ALMS1: variants seen among roughly 807,000 people sequenced by gnomAD.
The protein encoded by ALMS1 is centrosome-associated protein ALMS1.
A neutral mutation model predicts 352.2 loss-of-function variants in ALMS1; 271 were observed. The ratio of observed to expected loss-of-function variants is 0.77; its 90% CI spans 0.70 to 0.85. ALMS1 has a LOEUF of 0.85. Ranked by LOEUF, ALMS1 falls within the 40% of genes least tolerant of loss-of-function variation. The pLI is 0.00. For missense variants in ALMS1, 5,445 were observed against 4,870.7 expected, an observed-to-expected ratio of 1.12 and a Z score of -3.51; for synonymous variants, 1,865 against 1,761.2, an observed-to-expected ratio of 1.06 and a Z score of -1.48.
chr2:73,503,816 G>A (rs11898196), intron 10 of ALMS1, among the ~76,000 whole-genome samples: 2,467 of 152,088 alleles, frequency 0.016, 67 homozygotes, highest in African/African-American at 0.056. Flanking sequence ...AACTCAATAA[G>A]GTTGTGGCTG....
chr2:73,428,921 ACTC>A (rs2103726526), intron 6 of ALMS1, among the ~76,000 whole-genome samples: 1 of 151,622 alleles, frequency 6.6e-6, no homozygotes, highest in Non-Finnish European at 1.5e-5. Context: ...TTTTATATCT[ACTC>A]CTCATAAATG....
intron 2 of ALMS1, among the ~76,000 whole-genome samples, chr2:73,412,593 C>T (rs138066939): frequency 0.01 from 1,579 of 152,144 alleles, 40 homozygotes; most frequent in African/African-American, 0.036. Context: ...AGTTTGAGAC[C>T]AGCCTGGCCA....
At chr2:73,413,979 C>A (rs1671129773) in intron 2 of ALMS1, among the ~76,000 whole-genome samples, 1 of 152,110 alleles carries the variant, frequency 6.6e-6, no homozygotes, top group Non-Finnish European at 1.5e-5. Context: ...CTTTGTTCCT[C>A]TTTTTAAAAA....
chr2:73,489,991 C>T lies in ALMS1; in HGVS notation c.8032C>T (p.Pro2678Ser). The stretch of plus-strand genomic sequence containing the variant: ...AATGCCATTCGATGAAAAGATGGAC[C>T]CTTGGCTGTCAGAATTAGTAGAACC... Reference protein sequence around the residue: ...LRMPFDEKMDPWLSELVEPAF... With the variant: ...LRMPFDEKMDSWLSELVEPAF... Residue 2678 changes from proline (P) to serine (S), a missense_variant, in exon 10 of 23, where the codon CCT becomes TCT. Physicochemically the swap from Pro to Ser is moderately conservative, Grantham distance 74 (BLOSUM62 -1). Transcript: ENST00000613296. The T allele has an allele frequency of 6.2e-7, 1 of 1,614,174 alleles. No homozygotes were observed. The highest frequency in any genetic ancestry group is 1.1e-5 in the South Asian group (1 of 91,084).
chr2:73,398,809 A>T (rs946415895), intron 1 of ALMS1, among the ~76,000 whole-genome samples: 2 of 151,956 alleles, frequency 1.3e-5, no homozygotes, highest in Admixed American at 1.3e-4. Context: ...TGCTAGTTTT[A>T]CTTATTAATT....
chr2:73,509,709 A>G (rs1172326146), intron 10 of ALMS1, among the ~76,000 whole-genome samples: 1 of 151,778 alleles, frequency 6.6e-6, no homozygotes, highest in Non-Finnish European at 1.5e-5. Flanking sequence ...CTTCATTTCA[A>G]CCTTGGTGAA....
chr2:73,559,106 C>T lies in ALMS1; in HGVS notation c.10348C>T (p.Pro3450Ser). The change falls in exon 15 of 23, where the codon CCA becomes TCA. Residue 3450 changes from proline (P) to serine (S), a missense_variant. Physicochemically the swap from Pro to Ser is moderately conservative, Grantham distance 74. Coordinates refer to ENST00000613296, the MANE Select transcript of ALMS1 (RefSeq NM_001378454.1). The part of the protein sequence containing the change: ...RKKTVPEEAW[P>S]NNKESLQINI... Reference sequence around the variant, plus strand: ...GAAGACAGTTCCCGAGGAAGCCTGGCCAAACAATAAAGAATCCCTACAGAT... The same window carrying T: ...GAAGACAGTTCCCGAGGAAGCCTGGTCAAACAATAAAGAATCCCTACAGAT... 6.2e-7 allele frequency: 1 copy of T among 1,613,736 alleles called. No individual in the cohort carries two copies. The highest frequency in any genetic ancestry group is 8.5e-7 in the Non-Finnish European group (1 of 1,179,842).
chr2:73,517,087 T>C (rs1251750211), intron 10 of ALMS1, among the ~76,000 whole-genome samples: 1 of 152,008 alleles, frequency 6.6e-6, no homozygotes, highest in African/African-American at 2.4e-5. Context: ...TTTTTTTCTT[T>C]TCTCATAATT....
At chr2:73,400,378 A>G (rs930776240) in intron 1 of ALMS1, among the ~76,000 whole-genome samples, 2 of 152,256 alleles carry the variant, frequency 1.3e-5, no homozygotes, top group South Asian at 2.1e-4. Flanking sequence ...ATTGATATTC[A>G]TGGGAGATAA....
chr2:73,451,372 A>G lies in ALMS1; in HGVS notation c.4845A>G (p.Leu1615=). Reference sequence around the variant, plus strand: ...AGACTGACATACCAGCAGGACCTTTAGGTTCCAGTGCACTTGGAGAGAAGC... The same window carrying G: ...AGACTGACATACCAGCAGGACCTTTGGGTTCCAGTGCACTTGGAGAGAAGC... ...EKKTDIPAGP[L]GSSALGEKPI... is the part of the protein sequence containing the mutation. Residue 1615 remains leucine (L), a synonymous_variant, in exon 8 of 23, where the codon TTA becomes TTG. Coordinates refer to ENST00000613296, the MANE Select transcript of ALMS1 (RefSeq NM_001378454.1). 6.2e-7 allele frequency: 1 copy of G among 1,613,684 alleles called. No individual in the cohort carries two copies. The highest frequency in any genetic ancestry group is 8.5e-7 in the Non-Finnish European group (1 of 1,179,882).
In ALMS1 at chr2:73,572,694, G is replaced by A. The variant is rs148044176; in HGVS notation, c.10817G>A (p.Arg3606Gln). Residue 3606 changes from arginine to glutamine, a missense_variant, in exon 16 of 23, where the codon CGG becomes CAG. Transcript: ENST00000613296. ...VSLNELWNKY[R>Q]ERQRQQRQPE... ...TTGAATGAACTGTGGAACAAGTATCGGGAGCGACAGAGGCAACAGAGACAG... is the reference window on the plus strand; with the variant it reads ...TTGAATGAACTGTGGAACAAGTATCAGGAGCGACAGAGGCAACAGAGACAG... The A allele has an allele frequency of 6.8e-5, 109 of 1,613,994 alleles. No homozygotes were observed. The East Asian group carries it at 1.5e-3, about 22-fold the overall frequency.
chr2:73,449,604 C>T lies in ALMS1; in HGVS notation c.3077C>T (p.Ala1026Val). ...CCAGATAGTTATGCAACTGAAAAGG[C>T]TCTGAAAGTTTCAACTGGCCCTGGA... ...EWPDSYATEK[A>V]LKVSTGPGPA... The change falls in exon 8 of 23, where the codon GCT (alanine) becomes GTT (valine). Residue 1026 changes from alanine to valine, a missense_variant. Transcript: ENST00000613296. 6.2e-7 allele frequency: 1 copy of T among 1,614,040 alleles called. No homozygotes were observed. The highest frequency in any genetic ancestry group is 8.5e-7 in the Non-Finnish European group (1 of 1,179,958).
intron 1 of ALMS1, among the ~76,000 whole-genome samples, chr2:73,407,377 G>A (rs977295211): frequency 2.6e-5 from 4 of 152,070 alleles, no homozygotes; most frequent in Non-Finnish European, 4.4e-5. Context: ...GCCACATTGC[G>A]GATTAAGTTT....
intron 21 of ALMS1, 100 bp downstream of exon 21, chr2:73,603,404 G>T: frequency 2.0e-6 from 2 of 1,000,002 alleles, no homozygotes; most frequent in Non-Finnish European, 3.1e-6. Context: ...TTATACTCAA[G>T]TTTAAACATT....
At chr2:73,519,626 A>G in intron 10 of ALMS1, 149 bp from the exon 11 acceptor site, 1 of 973,766 alleles carries the variant, frequency 1.0e-6, no homozygotes, top group Non-Finnish European at 1.5e-6. Context: ...GTACTGCTGA[A>G]ATTTTACCTT....
At position 73,490,809 on chromosome 2, in the gene ALMS1, T is replaced by G. The variant is rs763493555; in HGVS notation, c.8850T>G (p.Pro2950=). The change falls in exon 10 of 23, where the codon CCT becomes CCG. Residue 2950 remains proline, a synonymous_variant. Coordinates refer to ENST00000613296, the MANE Select transcript of ALMS1 (RefSeq NM_001378454.1). ...TGAGAGAAAACCATTCTCCCCTTCC[T>G]CAAGGTCAGGATTCTATAGCTTCAG... ...HQMRENHSPL[P]QGQDSIASDL... 1 of 1,614,048 alleles carries G rather than the reference T, an allele frequency of 6.2e-7. No homozygotes were observed. The highest frequency in any genetic ancestry group is 1.1e-5 in the South Asian group (1 of 91,080).
intron 12 of ALMS1, 78 bp from the exon 13 acceptor site, chr2:73,550,189 A>G (rs2104034390): frequency 1.3e-6 from 2 of 1,535,194 alleles, no homozygotes; most frequent in East Asian, 4.5e-5. Context: ...AATTGGTCTA[A>G]GAGGCAAATT....
At chr2:73,403,460 A>C (rs955439043) in intron 1 of ALMS1, among the ~76,000 whole-genome samples, 1 of 152,166 alleles carries the variant, frequency 6.6e-6, no homozygotes, top group Non-Finnish European at 1.5e-5. Flanking sequence ...GAAACCAGGA[A>C]GTGTGCTTCC....
In ALMS1 at chr2:73,573,182, A is replaced by C. The variant is rs561188266; in HGVS notation, c.11305A>C (p.Thr3769Pro). 6 of 1,612,892 alleles carry C rather than the reference A, an allele frequency of 3.7e-6. No individual in the cohort carries two copies. The South Asian group carries it at 5.5e-5, about 15-fold the overall frequency. The change falls in exon 16 of 23, where the codon ACA (threonine) becomes CCA (proline). Residue 3769 changes from threonine (T) to proline (P), a missense_variant. Physicochemically the swap from Thr to Pro is conservative, Grantham distance 38. Transcript: ENST00000613296. ...TGTCGAATCAGATATATTGACCCAAACAGATAGAGAGGTGGCTCTGCACGA... is the reference window on the plus strand; with the variant it reads ...TGTCGAATCAGATATATTGACCCAACCAGATAGAGAGGTGGCTCTGCACGA... ...STVESDILTQ[T>P]DREVALHERS...
Sources: allele counts gnomAD v4.1 joint callset (sites outside exome capture counted in the v4.1 genomes callset), GRCh38; gene constraint gnomAD v4.1.1; transcripts MANE v1.5; gene names NCBI Gene and HGNC (gene_info 2026-07-23, HGNC 2026-07-21).